The following ARHGAP26 variants were observed in gnomAD, a reference collection of about 807,000 sequenced individuals.
The protein encoded by ARHGAP26 is Rho GTPase activating protein 26, also known as rho GTPase-activating protein 26.
ARHGAP26 carries 38 observed loss-of-function variants against 104.8 expected under a neutral mutation model. The ratio of observed to expected loss-of-function variants is 0.36; its 90% confidence interval spans 0.28 to 0.48. The LOEUF (loss-of-function observed/expected upper bound fraction) is 0.48. Ranked by LOEUF, ARHGAP26 falls within the 20% of genes least tolerant of loss-of-function variation. The pLI is 0.99. For synonymous variants in ARHGAP26, 341 were observed against 340.0 expected (o/e 1.00, Z -0.03); for missense variants, 704 against 947.9 (o/e 0.74, Z 3.38).
chr5:142,907,158 T>C (rs935295975), intron 8 of ARHGAP26, among the ~76,000 whole-genome samples: 3 of 152,240 alleles, frequency 2.0e-5, no homozygotes, highest in African/African-American at 7.2e-5. Flanking sequence ...CTCTGAGCTC[T>C]CCTTGTCTGC....
Position 142,885,284 on chromosome 5 carries a change from T to C in ARHGAP26, c.385-14T>C. On this transcript the variant is annotated splice_polypyrimidine_tract_variant and intron_variant, in intron 4 of 22. Transcript: ENST00000645722. Reference sequence around the variant, plus strand: ...TGTTACTCTTTTTCTTTTTCTCTTCTCTTTTTTTGCCAGGAAGCCAAAAAG... The same window carrying C: ...TGTTACTCTTTTTCTTTTTCTCTTCCCTTTTTTTGCCAGGAAGCCAAAAAG... 1 of 1,609,988 alleles carries C rather than the reference T, an allele frequency of 6.2e-7. No homozygotes were observed. Among genetic ancestry groups the C allele is most frequent in the Non-Finnish European group, 8.5e-7 (1 of 1,176,804 alleles).
intron 20 of ARHGAP26, chr5:143,165,529 C>T (rs1801815578): frequency 6.6e-6 from 1 of 152,204 alleles, no homozygotes; most frequent in Non-Finnish European, 1.5e-5. Context: ...AGTTCACATC[C>T]CAACTTTATT....
chr5:142,974,631 A>G (rs887070918), intron 11 of ARHGAP26, among the ~76,000 whole-genome samples: 1 of 152,196 alleles, frequency 6.6e-6, no homozygotes, highest in Admixed American at 6.5e-5. Context: ...GAGGAAGCAG[A>G]GCCTCCTCCA....
intron 1 of ARHGAP26, among the ~76,000 whole-genome samples, chr5:142,847,174 T>C (rs746986665): frequency 4.6e-5 from 7 of 152,122 alleles, no homozygotes; most frequent in Admixed American, 1.3e-4. Flanking sequence ...GAGAGTCAAA[T>C]GAAACAATGT....
chr5:143,041,732 A>AG (rs1476980966), intron 13 of ARHGAP26, 84 bp from the exon 14 acceptor site: 2 of 1,075,804 alleles, frequency 1.9e-6, no homozygotes, highest in African/African-American at 3.2e-5. Flanking sequence ...GAAAAAAAAA[A>AG]AAAAAAAAAG....
At chr5:142,980,644 C>T (rs1773813414) in intron 11 of ARHGAP26, among the ~76,000 whole-genome samples, 1 of 152,126 alleles carries the variant, frequency 6.6e-6, no homozygotes, top group African/African-American at 2.4e-5. Context: ...CTGCCTTGGC[C>T]TCCCAAAGTG....
intron 20 of ARHGAP26, among the ~76,000 whole-genome samples, chr5:143,167,038 C>G (rs1802053014): frequency 6.6e-6 from 1 of 152,162 alleles, no homozygotes; most frequent in Middle Eastern, 3.2e-3. Flanking sequence ...TCAAATCCAG[C>G]AGCAGCTTCT....
intron 17 of ARHGAP26, among the ~76,000 whole-genome samples, chr5:143,091,784 A>G (rs186138960): frequency 6.6e-6 from 1 of 152,226 alleles, no homozygotes; most frequent in Non-Finnish European, 1.5e-5. Context: ...TTATTTTAAT[A>G]TCCAGTTCAC....
At chr5:142,931,655 A>T (rs1209410412) in intron 10 of ARHGAP26, among the ~76,000 whole-genome samples, 1 of 152,192 alleles carries the variant, frequency 6.6e-6, no homozygotes, top group Non-Finnish European at 1.5e-5. Context: ...TCTTGAGTCC[A>T]GTAATTCCAT....
chr5:143,176,331 C>T (rs376997852), intron 20 of ARHGAP26, among the ~76,000 whole-genome samples: 1 of 152,136 alleles, frequency 6.6e-6, no homozygotes, highest in African/African-American at 2.4e-5. Flanking sequence ...TATGAACTGA[C>T]GTTCACTTCT....
chr5:143,113,947 C>A (rs891750006), intron 17 of ARHGAP26, among the ~76,000 whole-genome samples: 1 of 152,154 alleles, frequency 6.6e-6, no homozygotes, highest in Non-Finnish European at 1.5e-5. Context: ...ATGGACTCTG[C>A]AGACTTCATT....
chr5:143,174,207 G>A lies in ARHGAP26; in HGVS notation c.1988+26826G>A, dbSNP rs77839677. Reference sequence around the variant, plus strand: ...GATAGGTAACAATCTATTGTTCAGTGTTAAGGATCCGGTTGGGTATGTTGT... The same window carrying A: ...GATAGGTAACAATCTATTGTTCAGTATTAAGGATCCGGTTGGGTATGTTGT... On this transcript the variant is annotated intron_variant, in intron 20 of 22. Coordinates refer to ENST00000645722, the MANE Select transcript of ARHGAP26 (RefSeq NM_001135608.3). 2.6e-3 allele frequency among the ~76,000 whole-genome samples: 402 copies of A among 152,288 alleles called. 2 individuals carry two copies. Among genetic ancestry groups the A allele is most frequent in the African/African-American group, 9.2e-3 (383 of 41,544 alleles).
intron 12 of ARHGAP26, 112 bp from the exon 13 acceptor site, chr5:143,037,084 A>T (rs1782769667): frequency 3.2e-6 from 2 of 623,684 alleles, no homozygotes; most frequent in African/African-American, 3.6e-5. Flanking sequence ...GGGAAAAACT[A>T]AAAGGATATG....
At chr5:143,118,926 A>C (rs975198802) in intron 17 of ARHGAP26, among the ~76,000 whole-genome samples, 9 of 151,096 alleles carry the variant, frequency 6.0e-5, no homozygotes, top group Non-Finnish European at 1.2e-4. Flanking sequence ...GTACCCTAAA[A>C]CTTAAAAGTA....
chr5:142,814,679 G>T lies in ARHGAP26; in HGVS notation c.154+43764G>T, dbSNP rs932142220. Among the ~76,000 whole-genome samples the T allele has an allele frequency of 2.0e-5, 3 of 152,120 alleles. No individual in the cohort carries two copies. The East Asian group carries it at 5.8e-4, about 29-fold the overall frequency. ...TGTAGTATGGTGACTAAGTGTACAGGCTCCGGAGTCCCACTAACCCGCATT... is the reference window on the plus strand; with the variant it reads ...TGTAGTATGGTGACTAAGTGTACAGTCTCCGGAGTCCCACTAACCCGCATT... On this transcript the variant is annotated intron_variant, in intron 1 of 22. Transcript: ENST00000645722.
intron 20 of ARHGAP26, among the ~76,000 whole-genome samples, chr5:143,148,657 G>A (rs902875229): frequency 2.6e-5 from 4 of 152,138 alleles, no homozygotes; most frequent in African/African-American, 9.7e-5. Context: ...AATTTGTTTG[G>A]CTTATGGGCA....
chr5:143,138,499 G>GT (rs1798149633), intron 19 of ARHGAP26, among the ~76,000 whole-genome samples: 1 of 152,210 alleles, frequency 6.6e-6, no homozygotes, highest in Admixed American at 6.5e-5. Context: ...GTCAAGGAAG[G>GT]TTTTCTGAAA....
chr5:142,931,919 T>C, intron 10 of ARHGAP26, 128 bp from the exon 11 acceptor site: 1 of 839,730 alleles, frequency 1.2e-6, no homozygotes, highest in Non-Finnish European at 2.0e-6. Context: ...AGCCGAGTGT[T>C]TTGCCCCTCT....
At chr5:143,216,072 C>T in intron 22 of ARHGAP26, 1 of 422,162 alleles carries the variant, frequency 2.4e-6, no homozygotes, top group Admixed American at 2.7e-5. Flanking sequence ...TTTTATGTTC[C>T]TACCTTCTTT....
Sources: allele counts gnomAD v4.1 joint callset (sites outside exome capture counted in the v4.1 genomes callset), GRCh38; gene constraint gnomAD v4.1.1; transcripts MANE v1.5; gene names NCBI Gene and HGNC (gene_info 2026-07-23, HGNC 2026-07-21).